STRIT1: variants seen among roughly 807,000 people sequenced by gnomAD.
STRIT1 encodes the protein small transmembrane regulator of ion transport 1.
Position 155,290,350 on chromosome 3 carries a change from T to C in STRIT1, c.*501A>G, listed in dbSNP as rs1576715201. ...TAAGTAAGTGTACTTTTACATTATA[T>C]GTTCTCTGAATTGTCTGTTTTTATC... On this transcript the variant is annotated 3_prime_UTR_variant, in exon 3 of 3. Transcript: ENST00000489090. 6.6e-6 allele frequency: 1 copy of C among 151,614 alleles called. No individual in the cohort carries two copies. The highest frequency in any genetic ancestry group is 1.9e-4 in the East Asian group (1 of 5,184). 9.4% of individuals were successfully genotyped at this position (151,614 alleles called of 1,614,324 possible).
At chr3:155,293,072 A>G (rs934826507) in intron 1 of STRIT1, among the ~76,000 whole-genome samples, 3 of 152,204 alleles carry the variant, frequency 2.0e-5, no homozygotes, top group East Asian at 1.9e-4. Flanking sequence ...GATACAGTAT[A>G]TATTCAACTT....
At chr3:155,292,283 T>A (rs1363419168) in intron 1 of STRIT1, among the ~76,000 whole-genome samples, 1 of 152,164 alleles carries the variant, frequency 6.6e-6, no homozygotes, top group East Asian at 1.9e-4. Flanking sequence ...AAGCACTAAA[T>A]GGAAAACTCT....
intron 1 of STRIT1, among the ~76,000 whole-genome samples, chr3:155,292,378 T>A (rs1231852082): frequency 6.6e-6 from 1 of 152,154 alleles, no homozygotes; most frequent in Non-Finnish European, 1.5e-5. Context: ...GAAAGCCTTT[T>A]TATGAATTAA....
chr3:155,291,248 T>A (rs1715627552), intron 1 of STRIT1: 1 of 350,602 alleles, frequency 2.9e-6, no homozygotes, highest in Non-Finnish European at 5.1e-6. Context: ...GGTCTTTTAC[T>A]GTTATGTGAC....
At chr3:155,292,453 A>AT (rs1262136606) in intron 1 of STRIT1, among the ~76,000 whole-genome samples, 1 of 152,086 alleles carries the variant, frequency 6.6e-6, no homozygotes. Context: ...GTGGCTTTAT[A>AT]TTTTTCCCAA....
At position 155,290,854 on chromosome 3, in the gene STRIT1, A is replaced by G. The variant is rs531456936; in HGVS notation, c.*5-8T>C. 3 of 395,980 alleles carry G rather than the reference A, an allele frequency of 7.6e-6. No individual in the cohort carries two copies. The highest frequency in any genetic ancestry group is 6.2e-5 in the African/African-American group (3 of 48,574). 24.5% of individuals were successfully genotyped at this position (395,980 alleles called of 1,614,324 possible). A position where few individuals can be genotyped will look rare whatever the true frequency, so the allele number is the denominator to read the frequency against. On this transcript the variant is annotated splice_polypyrimidine_tract_variant and splice_region_variant and intron_variant, in intron 2 of 2. Coordinates refer to ENST00000489090, the MANE Select transcript of STRIT1 (RefSeq NM_001352129.2). The stretch of plus-strand genomic sequence containing the variant: ...AATCTGATATCTTCTTGCCTGAAAG[A>G]CAAAACATTCCATTAGTAAAATAGA...
chr3:155,291,404 G>C (rs1409935865), intron 1 of STRIT1: 2 of 161,988 alleles, frequency 1.2e-5, no homozygotes, highest in Non-Finnish European at 2.7e-5. Context: ...TGTGTGTTTA[G>C]TGTATACAGA....
intron 1 of STRIT1, among the ~76,000 whole-genome samples, chr3:155,291,824 T>G (rs534900950): frequency 2.9e-4 from 44 of 152,256 alleles, no homozygotes; most frequent in Admixed American, 2.6e-3. Flanking sequence ...CATGTAACTC[T>G]TGTTCTTTCA....
At position 155,291,011 on chromosome 3, in the gene STRIT1, A is replaced by G; in HGVS notation, c.41T>C (p.Val14Ala). The part of the protein sequence containing the change: ...KAGSTFSHLL[V>A]PILLLIGWIV... ...CCAGCCAATCAGGAGAAGAATAGGA[A>G]CCAGAAGGTGTGAAAATGTAGACCC... is the stretch of plus-strand genomic sequence containing the variant. The change falls in exon 2 of 3, where the codon GTT becomes GCT. Residue 14 changes from valine (V) to alanine (A), a missense_variant. Physicochemically the swap from Val to Ala is moderately conservative, Grantham distance 64. Coordinates refer to ENST00000489090, the MANE Select transcript of STRIT1 (RefSeq NM_001352129.2). 1 of 398,774 alleles carries G rather than the reference A, an allele frequency of 2.5e-6. No individual in the cohort carries two copies. The highest frequency in any genetic ancestry group is 4.4e-6 in the Non-Finnish European group (1 of 225,912). 24.7% of individuals were successfully genotyped at this position (398,774 alleles called of 1,614,324 possible). A position where few individuals can be genotyped will look rare whatever the true frequency, so the allele number is the denominator to read the frequency against.
chr3:155,292,982 T>A (rs1715672900), intron 1 of STRIT1, among the ~76,000 whole-genome samples: 1 of 152,164 alleles, frequency 6.6e-6, no homozygotes, highest in Non-Finnish European at 1.5e-5. Flanking sequence ...ATGGGGATGA[T>A]GATGATATGC....
Position 155,293,652 on chromosome 3 carries a change from C to T in STRIT1, c.-20G>A. Reference sequence around the variant, plus strand: ...AGCCATTATTCCTGTTGGTGGGTGGCTAGGTCAGGCCACGCTTACCTCTTT... The same window carrying T: ...AGCCATTATTCCTGTTGGTGGGTGGTTAGGTCAGGCCACGCTTACCTCTTT... On this transcript the variant is annotated 5_prime_UTR_variant, in exon 1 of 3. Transcript: ENST00000489090. 2.5e-6 allele frequency: 1 copy of T among 396,142 alleles called. No individual in the cohort carries two copies. The highest frequency in any genetic ancestry group is 4.4e-6 in the Non-Finnish European group (1 of 225,386). The allele number at this position is 396,142 out of a possible 1,614,324, so 24.5% of individuals were successfully genotyped here.
At position 155,292,286 on chromosome 3, in the gene STRIT1, A is replaced by G. The variant is rs558421085; in HGVS notation, c.14-1248T>C. 1.1e-4 allele frequency among the ~76,000 whole-genome samples: 16 copies of G among 152,284 alleles called. 1 individual carries two copies. The South Asian group carries it at 3.1e-3, about 30-fold the overall frequency. ...GTATAAGGCATTAAGCACTAAATGG[A>G]AAACTCTTCTCTTTACTTGACATGT... On this transcript the variant is annotated intron_variant, in intron 1 of 2. Coordinates refer to ENST00000489090, the MANE Select transcript of STRIT1 (RefSeq NM_001352129.2).
intron 1 of STRIT1, among the ~76,000 whole-genome samples, chr3:155,292,453 AT>A (rs1262136606): frequency 2.0e-5 from 3 of 152,086 alleles, no homozygotes; most frequent in African/African-American, 4.8e-5. Context: ...GTGGCTTTAT[AT>A]TTTTCCCAAT....
chr3:155,290,390 TTTC>T lies in STRIT1; in HGVS notation c.*458_*460del, dbSNP rs1469681753. 1 of 130,860 alleles carries T rather than the reference TTTC, an allele frequency of 7.6e-6. No individual in the cohort carries two copies. Among genetic ancestry groups the T allele is most frequent in the Non-Finnish European group, 1.6e-5 (1 of 62,152 alleles). 8.1% of individuals were successfully genotyped at this position (130,860 alleles called of 1,614,324 possible). A position where few individuals can be genotyped will look rare whatever the true frequency, so the allele number is the denominator to read the frequency against. ...CTGTTTTTATCTCTAGCCCATTTTC[TTTC>T]TTTTTTTTTTTTTTTTTTTTTTTTT... On this transcript the variant is annotated 3_prime_UTR_variant, in exon 3 of 3. Coordinates refer to ENST00000489090, the MANE Select transcript of STRIT1 (RefSeq NM_001352129.2).
In STRIT1 at chr3:155,290,715, A is replaced by G. The variant is rs906482872; in HGVS notation, c.*136T>C. ...CTGAAGAAATTCTTATGCATACCAA[A>G]GTGCCAGTTTATGATCCAAGTTTGT... On this transcript the variant is annotated 3_prime_UTR_variant, in exon 3 of 3. Transcript: ENST00000489090. 72 of 335,652 alleles carry G rather than the reference A, an allele frequency of 2.1e-4. No homozygotes were observed. The highest frequency in any genetic ancestry group is 1.4e-3 in the African/African-American group (67 of 47,492). 20.8% of individuals were successfully genotyped at this position (335,652 alleles called of 1,614,324 possible).
chr3:155,291,822 T>G (rs1024690144), intron 1 of STRIT1, among the ~76,000 whole-genome samples: 1 of 152,098 alleles, frequency 6.6e-6, no homozygotes, highest in African/African-American at 2.4e-5. Context: ...TGCATGTAAC[T>G]CTTGTTCTTT....
chr3:155,293,276 A>G (rs1027329689), intron 1 of STRIT1, among the ~76,000 whole-genome samples: 1 of 152,078 alleles, frequency 6.6e-6, no homozygotes, highest in South Asian at 2.1e-4. Flanking sequence ...TCACATAGCC[A>G]TTTACTAGCA....
chr3:155,292,993 A>G (rs958873476), intron 1 of STRIT1, among the ~76,000 whole-genome samples: 2 of 152,152 alleles, frequency 1.3e-5, no homozygotes, highest in African/African-American at 4.8e-5. Flanking sequence ...GATGATATGC[A>G]TATTTCACAA....
intron 1 of STRIT1, among the ~76,000 whole-genome samples, chr3:155,292,614 G>A (rs1392770074): frequency 1.3e-5 from 2 of 152,036 alleles, no homozygotes; most frequent in South Asian, 4.1e-4. Flanking sequence ...CACTAACTGT[G>A]CATTTTAACA....
Sources: gnomAD v4.1 joint callset for allele counts (sites outside exome capture counted in the v4.1 genomes callset) on GRCh38, gnomAD v4.1.1 for gene constraint, MANE v1.5 for transcripts, NCBI Gene and HGNC (gene_info 2026-07-23, HGNC 2026-07-21) for gene names.